The following PELI2 variants were observed in gnomAD, a reference collection of about 807,000 sequenced individuals.
The protein encoded by PELI2 is E3 ubiquitin-protein ligase pellino homolog 2.
Under a neutral mutation model 42.3 loss-of-function variants are expected in PELI2, and 23 were observed. The observed-to-expected ratio is 0.54, with a 90% CI of 0.39 to 0.77. The LOEUF is 0.77. Among genes scored for constraint, PELI2 ranks in the 30% least tolerant of loss-of-function variants. The pLI is 0.00. For synonymous variants in PELI2, 245 were observed against 212.2 expected (o/e 1.15, Z -1.34); for missense variants, 463 against 553.2 (o/e 0.84, Z 1.64).
intron 1 of PELI2, among the ~76,000 whole-genome samples, chr14:56,168,078 C>T (rs1196413406): frequency 6.6e-6 from 1 of 151,588 alleles, no homozygotes; most frequent in African/African-American, 2.4e-5. Context: ...GACACAAGCA[C>T]CCCTGTGGCC....
chr14:56,118,773 C>T, intron 1 of PELI2, 36 bp downstream of exon 1: 4 of 1,395,306 alleles, frequency 2.9e-6, no homozygotes, highest in Non-Finnish European at 3.8e-6. Flanking sequence ...GGCAGCGGCG[C>T]GGGCGGGGAG....
chr14:56,136,163 C>T (rs1209931089), intron 1 of PELI2, among the ~76,000 whole-genome samples: 1 of 152,110 alleles, frequency 6.6e-6, no homozygotes, highest in African/African-American at 2.4e-5. Flanking sequence ...TCTGTAAGGA[C>T]AGATTGTAGG....
intron 2 of PELI2, among the ~76,000 whole-genome samples, chr14:56,227,650 G>A (rs1183757138): frequency 2.0e-5 from 3 of 152,198 alleles, no homozygotes; most frequent in African/African-American, 7.2e-5. Flanking sequence ...GGCGAAGCCT[G>A]GGAGCAGCAG....
At chr14:56,255,780 C>T (rs1888507397) in intron 2 of PELI2, among the ~76,000 whole-genome samples, 1 of 152,184 alleles carries the variant, frequency 6.6e-6, no homozygotes, top group South Asian at 2.1e-4. Context: ...AGGCTGGCTG[C>T]CCCACTCTAA....
intron 2 of PELI2, among the ~76,000 whole-genome samples, chr14:56,208,550 C>A (rs1210378780): frequency 2.0e-5 from 3 of 152,180 alleles, no homozygotes; most frequent in Non-Finnish European, 4.4e-5. Context: ...TAGCATGAAT[C>A]AATGCAGTGG....
At chr14:56,173,701 G>A (rs1378659127) in intron 1 of PELI2, among the ~76,000 whole-genome samples, 1 of 152,118 alleles carries the variant, frequency 6.6e-6, no homozygotes, top group African/African-American at 2.4e-5. Context: ...TCCTTGGCTT[G>A]TGGTTGCATC....
intron 2 of PELI2, among the ~76,000 whole-genome samples, chr14:56,212,567 G>A (rs1886749582): frequency 6.6e-6 from 1 of 152,192 alleles, no homozygotes; most frequent in Non-Finnish European, 1.5e-5. Flanking sequence ...GCTTTCTGAG[G>A]ACAACTGAAG....
At position 56,254,740 on chromosome 14, in the gene PELI2, C is replaced by T. The variant is rs542321638; in HGVS notation, c.208-24936C>T. Among the ~76,000 whole-genome samples, 8 of 152,180 alleles carry T rather than the reference C, an allele frequency of 5.3e-5. No individual in the cohort carries two copies. In the East Asian group the frequency reaches 5.8e-4, roughly 11 times the overall value. On this transcript the variant is annotated intron_variant, in intron 2 of 5. Coordinates refer to ENST00000267460, the MANE Select transcript of PELI2 (RefSeq NM_021255.3). Reference sequence around the variant, plus strand: ...GGGAGAAAATTTTTGCAATCTTTCCCGTCTGACAAAGGGCTAATATCCAGA... The same window carrying T: ...GGGAGAAAATTTTTGCAATCTTTCCTGTCTGACAAAGGGCTAATATCCAGA...
intron 1 of PELI2, among the ~76,000 whole-genome samples, chr14:56,126,742 T>G (rs1188586547): frequency 3.3e-5 from 5 of 152,116 alleles, no homozygotes; most frequent in Admixed American, 1.3e-4. Flanking sequence ...ATTGATGGAT[T>G]GATTGATTGA....
intron 1 of PELI2, among the ~76,000 whole-genome samples, chr14:56,166,443 G>T (rs544410424): frequency 2.6e-5 from 4 of 152,124 alleles, no homozygotes; most frequent in Admixed American, 2.6e-4. Context: ...GTTTTTCTGT[G>T]TACTTACTGT....
chr14:56,285,945 AT>A (rs1889631242), intron 3 of PELI2, among the ~76,000 whole-genome samples: 1 of 152,178 alleles, frequency 6.6e-6, no homozygotes, highest in South Asian at 2.1e-4. Context: ...AAAATACAGA[AT>A]GAGATAAGCA....
chr14:56,295,902 C>T (rs569788704), intron 5 of PELI2, among the ~76,000 whole-genome samples: 3 of 152,338 alleles, frequency 2.0e-5, no homozygotes, highest in Admixed American at 6.5e-5. Flanking sequence ...GTTTTATTGG[C>T]CTTTGGTACC....
chr14:56,248,376 T>A (rs2139809603), intron 2 of PELI2, among the ~76,000 whole-genome samples: 1 of 152,270 alleles, frequency 6.6e-6, no homozygotes, highest in East Asian at 1.9e-4. Flanking sequence ...TATTCCTTTT[T>A]TTTTTTAATC....
At chr14:56,191,937 C>T (rs899703288) in intron 2 of PELI2, among the ~76,000 whole-genome samples, 1 of 151,326 alleles carries the variant, frequency 6.6e-6, no homozygotes, top group African/African-American at 2.4e-5. Flanking sequence ...TCACTGCAAC[C>T]TCTGTCACCC....
rs77831964 is a variant in PELI2, at chr14:56,288,888, A to G, written c.507+254A>G. Among the ~76,000 whole-genome samples the G allele has an allele frequency of 3.5e-4, 54 of 152,304 alleles. 1 individual carries two copies. Among genetic ancestry groups the G allele is most frequent in the East Asian group, 3.3e-3 (17 of 5,186 alleles). ...ACTTTTTTTAAAGTATGCCTATAAC[A>G]TTGTCCATAATGTATTTACGGCAAC... On this transcript the variant is annotated intron_variant, in intron 4 of 5. Coordinates refer to ENST00000267460, the MANE Select transcript of PELI2 (RefSeq NM_021255.3). The surrounding 1 kb of genome is among the most constrained non-coding windows in gnomAD (Gnocchi z 4.6).
At position 56,180,505 on chromosome 14, in the gene PELI2, T is replaced by C. The variant is rs978309853; in HGVS notation, c.207+2041T>C. Among the ~76,000 whole-genome samples, 2 of 152,158 alleles carry C rather than the reference T, an allele frequency of 1.3e-5. No individual in the cohort carries two copies. The highest frequency in any genetic ancestry group is 4.8e-5 in the African/African-American group (2 of 41,446). On this transcript the variant is annotated intron_variant, in intron 2 of 5. Coordinates refer to ENST00000267460, the MANE Select transcript of PELI2 (RefSeq NM_021255.3). This position sits in a 1 kb window ranked among gnomAD's most constrained non-coding sequence, Gnocchi z 4.4. ...TTCCTCCAACCAACTTCTATCTCTT[T>C]TAAAGGTTTACATTTTCAAGAGAGA...
At chr14:56,153,091 T>C (rs1884422795) in intron 1 of PELI2, among the ~76,000 whole-genome samples, 1 of 152,218 alleles carries the variant, frequency 6.6e-6, no homozygotes. Context: ...TATTGCATGT[T>C]GTTTCTTCCA....
At chr14:56,121,092 T>G (rs1883042996) in intron 1 of PELI2, among the ~76,000 whole-genome samples, 1 of 152,180 alleles carries the variant, frequency 6.6e-6, no homozygotes, top group African/African-American at 2.4e-5. Context: ...ATATCATCTT[T>G]ATGATATTAT....
intron 1 of PELI2, among the ~76,000 whole-genome samples, chr14:56,128,244 CA>C (rs1883352242): frequency 6.6e-6 from 1 of 152,176 alleles, no homozygotes; most frequent in Non-Finnish European, 1.5e-5. Context: ...AAATGCCCCC[CA>C]GGGGTACACA....
Sources: gnomAD v4.1 joint callset for allele counts (sites outside exome capture counted in the v4.1 genomes callset) on GRCh38, gnomAD v4.1.1 for gene constraint, Gnocchi (gnomAD v3.1) non-coding constraint, MANE v1.5 for transcripts, NCBI Gene and HGNC (gene_info 2026-07-23, HGNC 2026-07-21) for gene names.